SPATA17: variants seen among roughly 807,000 people sequenced by gnomAD.
SPATA17 encodes spermatogenesis associated 17.
In SPATA17, 53 loss-of-function variants were observed where a neutral mutation model predicts 62.2. The ratio of observed to expected loss-of-function variants is 0.85; its 90% CI spans 0.68 to 1.07. The LOEUF is 1.07. Ranked by LOEUF, SPATA17 falls within the 50% of genes least tolerant of loss-of-function variation. The probability of loss-of-function intolerance (pLI) is 0.00; values close to 1 mark genes in which losing one functional copy is unlikely to be tolerated. For missense variants in SPATA17, 466 were observed against 425.5 expected (o/e 1.10, Z -0.84); for synonymous variants, 146 against 146.8 (o/e 0.99, Z 0.04).
intron 9 of SPATA17, among the ~76,000 whole-genome samples, chr1:217,816,037 C>G (rs1399371558): frequency 1.3e-5 from 2 of 152,008 alleles, no homozygotes; most frequent in Non-Finnish European, 2.9e-5. Flanking sequence ...CATATCCTTT[C>G]ATTGTCATTA....
chr1:217,699,688 A>G (rs1056743579), intron 5 of SPATA17, among the ~76,000 whole-genome samples: 5 of 152,162 alleles, frequency 3.3e-5, no homozygotes, highest in Admixed American at 2.6e-4. Flanking sequence ...ATCTTTTCAC[A>G]GAACATAACT....
rs1671143321 is a variant in SPATA17 at position 217,683,365 on chromosome 1, A to G, written c.395+4A>G. The G allele has an allele frequency of 2.6e-6, 4 of 1,560,544 alleles. No individual in the cohort carries two copies. The highest frequency in any genetic ancestry group is 3.5e-6 in the Non-Finnish European group (4 of 1,133,712). On this transcript the variant is annotated splice_donor_region_variant and intron_variant, in intron 5 of 10. Coordinates refer to ENST00000366933, the MANE Select transcript of SPATA17 (RefSeq NM_138796.4). ...CAGAGACCAATGATGCAATTAGGTA[A>G]GTAGTGCAATCATCCATTCACTAGG...
intron 1 of SPATA17, among the ~76,000 whole-genome samples, chr1:217,636,111 G>A (rs528937818): frequency 2.7e-4 from 31 of 114,830 alleles, no homozygotes; most frequent in Admixed American, 9.7e-4. Context: ...CCAGCCTGGC[G>A]ACAGAATGAG....
intron 9 of SPATA17, among the ~76,000 whole-genome samples, chr1:217,811,920 C>A (rs1674601034): frequency 6.6e-6 from 1 of 151,974 alleles, no homozygotes; most frequent in African/African-American, 2.4e-5. Flanking sequence ...AAATTTTAGG[C>A]TTCAATTTAT....
intron 5 of SPATA17, among the ~76,000 whole-genome samples, chr1:217,696,134 C>T (rs1438669754): frequency 6.6e-6 from 1 of 152,202 alleles, no homozygotes; most frequent in African/African-American, 2.4e-5. Context: ...GCTGTGCTAG[C>T]AATCAGCGAG....
At chr1:217,685,548 A>G (rs1327796995) in intron 5 of SPATA17, among the ~76,000 whole-genome samples, 9 of 152,176 alleles carry the variant, frequency 5.9e-5, no homozygotes, top group Non-Finnish European at 8.8e-5. Flanking sequence ...TGACTTTAAC[A>G]AATGCTTTTC....
intron 9 of SPATA17, among the ~76,000 whole-genome samples, chr1:217,838,185 G>A (rs950358140): frequency 2.6e-5 from 4 of 151,570 alleles, no homozygotes; most frequent in South Asian, 2.1e-4. Flanking sequence ...TTTCATTTGC[G>A]GCCCACATAG....
At chr1:217,737,390 G>A (rs145087950) in intron 5 of SPATA17, among the ~76,000 whole-genome samples, 8 of 152,288 alleles carry the variant, frequency 5.3e-5, no homozygotes, top group Non-Finnish European at 8.8e-5. Context: ...AGATGGAAGT[G>A]TCATAGATGG....
At chr1:217,801,697 G>A in intron 8 of SPATA17, 21 bp from the exon 9 acceptor site, 1 of 1,573,082 alleles carries the variant, frequency 6.4e-7, no homozygotes, top group Non-Finnish European at 8.6e-7. Flanking sequence ...GTTAAGAATA[G>A]CTCTTAAATA....
At chr1:217,689,258 C>T (rs1196196040) in intron 5 of SPATA17, among the ~76,000 whole-genome samples, 2 of 128,974 alleles carry the variant, frequency 1.6e-5, no homozygotes, top group African/African-American at 5.9e-5. Flanking sequence ...CAGAGTCTCG[C>T]TCTGTCTCCC....
At chr1:217,829,234 T>C (rs1159022440) in intron 9 of SPATA17, among the ~76,000 whole-genome samples, 2 of 152,058 alleles carry the variant, frequency 1.3e-5, no homozygotes, top group Admixed American at 6.6e-5. Context: ...ATGTGAGATA[T>C]ATATTATTAT....
At chr1:217,687,920 T>A (rs1671254708) in intron 5 of SPATA17, among the ~76,000 whole-genome samples, 1 of 152,246 alleles carries the variant, frequency 6.6e-6, no homozygotes, top group South Asian at 2.1e-4. Flanking sequence ...ACTTCTCTCA[T>A]CTTGCTTTAT....
intron 5 of SPATA17, among the ~76,000 whole-genome samples, chr1:217,704,639 A>C (rs1671691779): frequency 6.6e-6 from 1 of 152,144 alleles, no homozygotes; most frequent in Non-Finnish European, 1.5e-5. Context: ...CTTACAAGTG[A>C]GAACTTGTGG....
chr1:217,760,854 A>C (rs1317383939), intron 6 of SPATA17, among the ~76,000 whole-genome samples: 1 of 152,244 alleles, frequency 6.6e-6, no homozygotes, highest in Non-Finnish European at 1.5e-5. Flanking sequence ...AATCCAAGTA[A>C]GTGAAAACAC....
intron 3 of SPATA17, among the ~76,000 whole-genome samples, chr1:217,657,547 A>C (rs1670329527): frequency 6.6e-6 from 1 of 152,230 alleles, no homozygotes; most frequent in Admixed American, 6.5e-5. Flanking sequence ...GCACTGTCAC[A>C]CACTTAGTCC....
At position 217,861,672 on chromosome 1, in the gene SPATA17, A is replaced by G. The variant is rs1675900133; in HGVS notation, c.1006-1102A>G. 3.3e-5 allele frequency among the ~76,000 whole-genome samples: 5 copies of G among 152,312 alleles called. No homozygotes were observed. The South Asian group carries it at 1.0e-3, about 32-fold the overall frequency. ...CCCCACAGGAAAATGATATTTCATT[A>G]TGTAAAATTTTATTGCATTTATGCT... On this transcript the variant is annotated intron_variant, in intron 9 of 10. Coordinates refer to ENST00000366933, the MANE Select transcript of SPATA17 (RefSeq NM_138796.4).
intron 5 of SPATA17, among the ~76,000 whole-genome samples, chr1:217,715,792 G>T (rs1348326711): frequency 6.6e-6 from 1 of 151,944 alleles, no homozygotes; most frequent in Non-Finnish European, 1.5e-5. Context: ...TTGTATTTCC[G>T]CTGTTATACT....
At chr1:217,683,478 GC>G in intron 5 of SPATA17, 117 bp downstream of exon 5, 1 of 691,072 alleles carries the variant, frequency 1.4e-6, no homozygotes, top group Middle Eastern at 3.5e-4. Flanking sequence ...TTGCTCTGTT[GC>G]CCAGTCTGGA....
chr1:217,851,855 C>CACATT (rs1490393069), intron 9 of SPATA17, among the ~76,000 whole-genome samples: 5 of 152,162 alleles, frequency 3.3e-5, no homozygotes, highest in Non-Finnish European at 5.9e-5. Context: ...CTATCATTTG[C>CACATT]ACATTTAAAG....
Sources: allele counts gnomAD v4.1 joint callset (sites outside exome capture counted in the v4.1 genomes callset), GRCh38; gene constraint gnomAD v4.1.1; transcripts MANE v1.5; gene names NCBI Gene and HGNC (gene_info 2026-07-23, HGNC 2026-07-21).